The following PLXNA4 variants were observed in gnomAD, a reference collection of about 807,000 sequenced individuals.
PLXNA4 encodes the protein plexin-A4.
PLXNA4 carries 44 observed loss-of-function variants against 191.8 expected under a neutral mutation model. The ratio of observed to expected loss-of-function variants is 0.23; its 90% confidence interval spans 0.18 to 0.29. The LOEUF (loss-of-function observed/expected upper bound fraction) is 0.29, where lower values mean the gene tolerates loss of function less well. PLXNA4 is among the 10% of genes least tolerant of loss of function. PLXNA4 has a pLI of 1.00. For synonymous variants in PLXNA4, 1,082 were observed against 1,009.5 expected (o/e 1.07, Z -1.36); for missense variants, 1,800 against 2,488.8 (o/e 0.72, Z 5.89).
intron 1 of PLXNA4, among the ~76,000 whole-genome samples, chr7:132,535,701 A>C (rs1354846572): frequency 6.6e-6 from 1 of 152,116 alleles, no homozygotes; most frequent in Non-Finnish European, 1.5e-5. Flanking sequence ...TCCCAGGCTC[A>C]TGCATTATAC....
intron 3 of PLXNA4, among the ~76,000 whole-genome samples, chr7:132,480,449 T>C (rs1797292125): frequency 6.6e-6 from 1 of 152,082 alleles, no homozygotes; most frequent in African/African-American, 2.4e-5. Flanking sequence ...ATCCTCCAAA[T>C]GGGTCAAGAC....
chr7:132,223,888 C>T (rs538083471), intron 8 of PLXNA4, among the ~76,000 whole-genome samples: 40 of 152,216 alleles, frequency 2.6e-4, no homozygotes, highest in South Asian at 4.2e-4. Flanking sequence ...CCAAATTAGC[C>T]CTCCTCCATC....
At chr7:132,340,152 G>C (rs1309896269) in intron 3 of PLXNA4, among the ~76,000 whole-genome samples, 3 of 152,324 alleles carry the variant, frequency 2.0e-5, no homozygotes, top group Non-Finnish European at 1.5e-5. Context: ...AGTTGAGACA[G>C]AGACTCAGTG....
chr7:132,240,282 G>A (rs1351696597), intron 5 of PLXNA4, among the ~76,000 whole-genome samples: 2 of 152,198 alleles, frequency 1.3e-5, no homozygotes, highest in African/African-American at 2.4e-5. Context: ...GATGGCAAGG[G>A]TCTTCGGATC....
rs186368550 is a variant in PLXNA4 at position 132,304,291 on chromosome 7, C to A, written c.1372-6069G>T. Among the ~76,000 whole-genome samples, 11 of 152,222 alleles carry A rather than the reference C, an allele frequency of 7.2e-5. No homozygotes were observed. In the East Asian group the frequency reaches 1.9e-3, roughly 27 times the overall value. On this transcript the variant is annotated intron_variant, in intron 3 of 31. Coordinates refer to ENST00000321063, the MANE Select transcript of PLXNA4 (RefSeq NM_020911.2). The stretch of plus-strand genomic sequence containing the variant: ...GTGTCCTCTGTAGTAGGGAGGGGTG[C>A]CCCTGCAGGCCTCACCTCAGCCCCC...
chr7:132,140,408 T>C (rs1383543618), intron 30 of PLXNA4, among the ~76,000 whole-genome samples, 191 bp downstream of exon 30: 1 of 152,066 alleles, frequency 6.6e-6, no homozygotes, highest in African/African-American at 2.4e-5. Flanking sequence ...TCTGGCCAAG[T>C]TTTCCTATTC....
intron 1 of PLXNA4, among the ~76,000 whole-genome samples, chr7:132,561,330 C>T (rs1801035397): frequency 6.6e-6 from 1 of 150,546 alleles, no homozygotes; most frequent in South Asian, 2.1e-4. Flanking sequence ...CCTCCTCTTC[C>T]TCCTCTTCCT....
chr7:132,512,260 C>T (rs1020663489), intron 1 of PLXNA4, among the ~76,000 whole-genome samples: 6 of 152,200 alleles, frequency 3.9e-5, no homozygotes, highest in African/African-American at 1.4e-4. Flanking sequence ...TGTGTGCCTA[C>T]CCCACGACCT....
At chr7:132,613,414 A>G (rs1031962812) in intron 2 of PLXNA4, among the ~76,000 whole-genome samples, 3 of 152,044 alleles carry the variant, frequency 2.0e-5, no homozygotes, top group African/African-American at 7.2e-5. Flanking sequence ...ATGTGAATCT[A>G]TTTACTTTTT....
chr7:132,537,877 TG>T (rs1279194295), intron 1 of PLXNA4, among the ~76,000 whole-genome samples: 4 of 152,184 alleles, frequency 2.6e-5, no homozygotes, highest in Admixed American at 1.3e-4. Flanking sequence ...GCACGGGCAG[TG>T]GGGGCCACCA....
chr7:132,487,304 T>C (rs1797601075), intron 3 of PLXNA4, among the ~76,000 whole-genome samples: 2 of 152,286 alleles, frequency 1.3e-5, no homozygotes, highest in Non-Finnish European at 2.9e-5. Context: ...GGCAGGAAGT[T>C]ACTTCTACAT....
chr7:132,647,567 T>C (rs1803900272), intron 1 of PLXNA4, among the ~76,000 whole-genome samples: 1 of 149,162 alleles, frequency 6.7e-6, no homozygotes, highest in Admixed American at 6.7e-5. Context: ...ACATATGCAG[T>C]CACACACATG....
chr7:132,641,381 T>C (rs1803740171), intron 2 of PLXNA4, among the ~76,000 whole-genome samples: 1 of 152,206 alleles, frequency 6.6e-6, no homozygotes, highest in African/African-American at 2.4e-5. Flanking sequence ...TGCTGCATCC[T>C]TACATGGCCT....
Position 132,517,187 on chromosome 7 carries a change from G to A in PLXNA4, c.-86-8408C>T, listed in dbSNP as rs553923826. ...ACAAATAACATGCGCTTCCCTATGCGTGAGGCTGCTGGTATGAAGTCAGTG... is the reference window on the plus strand; with the variant it reads ...ACAAATAACATGCGCTTCCCTATGCATGAGGCTGCTGGTATGAAGTCAGTG... On this transcript the variant is annotated intron_variant, in intron 1 of 31. Transcript: ENST00000321063. 7.2e-5 allele frequency among the ~76,000 whole-genome samples: 11 copies of A among 152,310 alleles called. No homozygotes were observed. The South Asian group carries it at 1.7e-3, about 23-fold the overall frequency.
chr7:132,355,320 G>A (rs1029809199), intron 3 of PLXNA4, among the ~76,000 whole-genome samples: 2 of 152,168 alleles, frequency 1.3e-5, no homozygotes, highest in Non-Finnish European at 2.9e-5. Flanking sequence ...TTCTGGGAGG[G>A]CTTGATATCC....
intron 15 of PLXNA4, 45 bp from the exon 16 acceptor site, chr7:132,185,508 G>A (rs1238107065): frequency 1.9e-6 from 3 of 1,578,604 alleles, no homozygotes; most frequent in Admixed American, 1.7e-5. Flanking sequence ...GTGTTGAGGA[G>A]GACAGAGGTC....
At chr7:132,318,445 C>T (rs1338334143) in intron 3 of PLXNA4, among the ~76,000 whole-genome samples, 1 of 152,174 alleles carries the variant, frequency 6.6e-6, no homozygotes, top group Admixed American at 6.5e-5. Flanking sequence ...GTCAGCTTCT[C>T]CAGCCTCCTG....
chr7:132,617,012 C>A (rs1489413791), intron 2 of PLXNA4, among the ~76,000 whole-genome samples: 1 of 152,180 alleles, frequency 6.6e-6, no homozygotes, highest in East Asian at 1.9e-4. Context: ...AACCCTGAAG[C>A]CTCATGTTGG....
At chr7:132,526,248 C>G (rs1279179695) in intron 1 of PLXNA4, among the ~76,000 whole-genome samples, 1 of 152,140 alleles carries the variant, frequency 6.6e-6, no homozygotes, top group African/African-American at 2.4e-5. Flanking sequence ...CCACCAAAGG[C>G]TCATGCATGG....
Sources: gnomAD v4.1 joint callset for allele counts (sites outside exome capture counted in the v4.1 genomes callset) on GRCh38, gnomAD v4.1.1 for gene constraint, MANE v1.5 for transcripts, NCBI Gene and HGNC (gene_info 2026-07-23, HGNC 2026-07-21) for gene names.